Variants in RAB38 observed in about 807,000 individuals in gnomAD.
RAB38 encodes the protein RAB38, member RAS oncogene family.
A neutral mutation model predicts 18.4 loss-of-function variants in RAB38; 15 were observed. The ratio of observed to expected loss-of-function variants is 0.82; its 90% CI spans 0.55 to 1.26. RAB38 has a LOEUF of 1.26. Among genes scored for constraint, RAB38 ranks in the 50% most tolerant of loss-of-function variants. RAB38 has a pLI of 0.00. For synonymous variants in RAB38, 101 were observed against 104.4 expected (o/e 0.97, Z 0.20); for missense variants, 294 against 267.4 (o/e 1.10, Z -0.69).
the RAB38 span, among the ~76,000 whole-genome samples, chr11:87,930,458 G>T: frequency 6.6e-6 from 1 of 152,120 alleles, no homozygotes; most frequent in Non-Finnish European, 1.5e-5. Flanking sequence ...GTAGATTCTG[G>T]ATATTAGCCC....
the RAB38 span, among the ~76,000 whole-genome samples, chr11:88,105,481 AT>A: frequency 6.1e-3 from 935 of 152,304 alleles, 3 homozygotes; most frequent in Non-Finnish European, 0.01. Flanking sequence ...AGAGGAATTT[AT>A]TGCCTCTTGT....
intron 1 of RAB38, among the ~76,000 whole-genome samples, chr11:88,150,578 C>T (rs192423495): frequency 4.6e-5 from 7 of 152,266 alleles, no homozygotes. Context: ...GGTTATAATA[C>T]TAGCTACCAT....
chr11:87,947,746 A>ATCTC, the RAB38 span, among the ~76,000 whole-genome samples: 1 of 152,030 alleles, frequency 6.6e-6, no homozygotes, highest in Non-Finnish European at 1.5e-5. Flanking sequence ...ATTGGTCTAT[A>ATCTC]TCTCTGTTTT....
chr11:87,905,345 G>A, the RAB38 span, among the ~76,000 whole-genome samples: 1 of 148,060 alleles, frequency 6.8e-6, no homozygotes, highest in African/African-American at 2.6e-5. Flanking sequence ...CATCATTTCT[G>A]CATCTCTTTA....
chr11:87,940,559 T>C, the RAB38 span, among the ~76,000 whole-genome samples: 18 of 151,732 alleles, frequency 1.2e-4, no homozygotes, highest in Non-Finnish European at 2.5e-4. Flanking sequence ...AAGGGTTTTA[T>C]ACACACACAC....
the RAB38 span, among the ~76,000 whole-genome samples, chr11:87,915,368 A>C: frequency 3.6e-4 from 55 of 152,284 alleles, no homozygotes; most frequent in African/African-American, 1.1e-3. Flanking sequence ...GCAGTAAAGA[A>C]GCTGGCTAAA....
chr11:88,164,087 A>C (rs1430690264), intron 1 of RAB38, among the ~76,000 whole-genome samples: 1 of 152,158 alleles, frequency 6.6e-6, no homozygotes, highest in East Asian at 1.9e-4. Context: ...TATTACATAA[A>C]AAACCTATTT....
At chr11:87,890,976 CTAAGTA>C in the RAB38 span, among the ~76,000 whole-genome samples, 5 of 151,792 alleles carry the variant, frequency 3.3e-5, no homozygotes, top group African/African-American at 1.2e-4. Flanking sequence ...TAAGACCCTT[CTAAGTA>C]TAAGGCCATG....
chr11:87,804,156 T>C, the RAB38 span, among the ~76,000 whole-genome samples: 3 of 152,244 alleles, frequency 2.0e-5, no homozygotes, highest in Non-Finnish European at 2.9e-5. Context: ...AATTGAGTCA[T>C]TTGCAGACAT....
the RAB38 span, among the ~76,000 whole-genome samples, chr11:87,889,662 A>T: frequency 6.6e-6 from 1 of 151,922 alleles, no homozygotes; most frequent in Non-Finnish European, 1.5e-5. Context: ...AAGCCAAGTT[A>T]GCTTCCCAAA....
At chr11:88,124,234 A>G (rs964381339) in intron 2 of RAB38, among the ~76,000 whole-genome samples, 19 of 152,354 alleles carry the variant, frequency 1.2e-4, no homozygotes, top group African/African-American at 4.6e-4. Flanking sequence ...CATGTCCAAA[A>G]CACCAAAAGC....
the RAB38 span, among the ~76,000 whole-genome samples, chr11:87,947,685 G>C: frequency 6.6e-6 from 1 of 152,184 alleles, no homozygotes; most frequent in Non-Finnish European, 1.5e-5. Flanking sequence ...GTTTGTCAAA[G>C]ATCAGATGGT....
intron 2 of RAB38, among the ~76,000 whole-genome samples, chr11:88,135,271 T>A (rs893499383): frequency 2.6e-5 from 4 of 152,192 alleles, no homozygotes; most frequent in African/African-American, 9.7e-5. Context: ...ACAAACTATA[T>A]ATTACGTTTA....
At chr11:88,151,639 A>G (rs1349524602) in intron 1 of RAB38, among the ~76,000 whole-genome samples, 1 of 152,248 alleles carries the variant, frequency 6.6e-6, no homozygotes, top group African/African-American at 2.4e-5. Flanking sequence ...GGATGTATCT[A>G]GGAAAATATA....
chr11:87,855,745 A>G, the RAB38 span, among the ~76,000 whole-genome samples: 1 of 152,210 alleles, frequency 6.6e-6, no homozygotes, highest in African/African-American at 2.4e-5. Context: ...TCCTACATAA[A>G]AATATCCTAT....
chr11:88,031,830 A>G, the RAB38 span, among the ~76,000 whole-genome samples: 2 of 152,246 alleles, frequency 1.3e-5, no homozygotes, highest in East Asian at 3.8e-4. Flanking sequence ...ATTCAATACC[A>G]TTCCCATGAA....
the RAB38 span, among the ~76,000 whole-genome samples, chr11:87,884,861 C>A: frequency 4.0e-5 from 6 of 151,860 alleles, no homozygotes; most frequent in Admixed American, 2.6e-4. Flanking sequence ...ATCTACAGTT[C>A]GGCAAAATCC....
chr11:88,052,919 TATATATA>T, the RAB38 span, among the ~76,000 whole-genome samples: 1 of 27,820 alleles, frequency 3.6e-5, no homozygotes, highest in Non-Finnish European at 5.9e-5. Context: ...TATATATATA[TATATATA>T]TATATATATA....
chr11:88,163,621 A>T (rs1331759595), intron 1 of RAB38, among the ~76,000 whole-genome samples: 1 of 152,178 alleles, frequency 6.6e-6, no homozygotes, highest in African/African-American at 2.4e-5. Flanking sequence ...TAAAGTGGAC[A>T]AGAGAATAAA....
Sources: gnomAD v4.1 joint callset for allele counts (sites outside exome capture counted in the v4.1 genomes callset) on GRCh38, gnomAD v4.1.1 for gene constraint, MANE v1.5 for transcripts, NCBI Gene and HGNC (gene_info 2026-07-23, HGNC 2026-07-21) for gene names.